PKIB: variants seen among roughly 807,000 people sequenced by gnomAD.
PKIB encodes the protein PKI-beta.
Under a neutral mutation model 4.5 loss-of-function variants are expected in PKIB, and 2 were observed. The ratio of observed to expected loss-of-function variants is 0.44; its 90% confidence interval spans 0.18 to 1.39. The LOEUF is 1.39. Ranked by LOEUF, PKIB falls within the 40% of genes most tolerant of loss-of-function variation. The pLI, the probability that PKIB is intolerant of heterozygous loss-of-function variation, is 0.27. For synonymous variants in PKIB, 38 were observed against 36.0 expected (o/e 1.06, Z -0.20); for missense variants, 94 against 92.6 (o/e 1.02, Z -0.06).
intron 2 of PKIB, among the ~76,000 whole-genome samples, chr6:122,562,269 G>T (rs1375642215): frequency 6.6e-6 from 1 of 151,998 alleles, no homozygotes; most frequent in Admixed American, 6.6e-5. Flanking sequence ...TGTTTGAGGA[G>T]GCTGAAGATA....
intron 3 of PKIB, among the ~76,000 whole-genome samples, chr6:122,595,769 C>G (rs904121281): frequency 8.5e-5 from 13 of 152,178 alleles, no homozygotes; most frequent in Admixed American, 3.9e-4. Context: ...CCATGTGTAA[C>G]CTCCATCCCT....
intron 3 of PKIB, among the ~76,000 whole-genome samples, chr6:122,600,950 A>G (rs934662197): frequency 6.6e-6 from 1 of 152,174 alleles, no homozygotes; most frequent in Non-Finnish European, 1.5e-5. Flanking sequence ...TTGAGGAAAG[A>G]TTGAGCATGT....
chr6:122,519,371 A>G (rs1340108709), intron 2 of PKIB, among the ~76,000 whole-genome samples: 4 of 152,134 alleles, frequency 2.6e-5, no homozygotes, highest in Admixed American at 6.5e-5. Context: ...TTGTTTCATT[A>G]TATGTTACAA....
chr6:122,701,529 G>A (rs1778813039), intron 3 of PKIB: 1 of 1,588,828 alleles, frequency 6.3e-7, no homozygotes, highest in African/African-American at 1.3e-5. Flanking sequence ...TTCTTCTTGG[G>A]GACAAGAGCA....
intron 2 of PKIB, among the ~76,000 whole-genome samples, chr6:122,574,616 A>C (rs1773473719): frequency 6.6e-6 from 1 of 152,208 alleles, no homozygotes; most frequent in Admixed American, 6.5e-5. Flanking sequence ...AAATACTTAC[A>C]GCTAACTAAT....
At chr6:122,504,477 G>A (rs1336429052) in intron 2 of PKIB, among the ~76,000 whole-genome samples, 1 of 152,146 alleles carries the variant, frequency 6.6e-6, no homozygotes, top group Admixed American at 6.5e-5. Flanking sequence ...GCTGAGTGCA[G>A]TTGCTCAGAA....
intron 3 of PKIB, among the ~76,000 whole-genome samples, chr6:122,697,323 A>G (rs1270701236): frequency 6.6e-6 from 1 of 152,102 alleles, no homozygotes; most frequent in Non-Finnish European, 1.5e-5. Context: ...CTGTTTTATC[A>G]GATATCAAGC....
At chr6:122,590,025 A>G (rs1349552645) in intron 3 of PKIB, among the ~76,000 whole-genome samples, 1 of 152,168 alleles carries the variant, frequency 6.6e-6, no homozygotes, top group East Asian at 1.9e-4. Context: ...TAGAAATCAG[A>G]AAAAAATGAG....
chr6:122,539,147 T>C (rs1251275844), intron 2 of PKIB, among the ~76,000 whole-genome samples: 1 of 152,108 alleles, frequency 6.6e-6, no homozygotes, highest in Admixed American at 6.5e-5. Context: ...TTTGACTTCC[T>C]ATTTTCCTAA....
chr6:122,584,087 T>C (rs926262107), intron 2 of PKIB, among the ~76,000 whole-genome samples: 2 of 152,070 alleles, frequency 1.3e-5, no homozygotes, highest in Non-Finnish European at 2.9e-5. Context: ...TTAAGGATTG[T>C]GAGTGAGGCA....
chr6:122,645,401 C>T (rs751693388), intron 2 of PKIB, among the ~76,000 whole-genome samples: 1 of 152,088 alleles, frequency 6.6e-6, no homozygotes, highest in Non-Finnish European at 1.5e-5. Flanking sequence ...TCCAACCGAG[C>T]TAGTAGGCTG....
Position 122,506,606 on chromosome 6 carries a change from A to G in PKIB, c.-248+28667A>G, listed in dbSNP as rs554757438. Among the ~76,000 whole-genome samples, 17 of 152,052 alleles carry G rather than the reference A, an allele frequency of 1.1e-4. No homozygotes were observed. The East Asian group carries it at 3.3e-3, about 29-fold the overall frequency. ...TCATGTATTTATTATTTTGATTGGT[A>G]CAATTAACTGTAAAGGTCCCCTTAG... On this transcript the variant is annotated intron_variant, in intron 2 of 6. Transcript: ENST00000392491.
At chr6:122,650,928 C>T (rs1195883451) in intron 2 of PKIB, among the ~76,000 whole-genome samples, 1 of 152,164 alleles carries the variant, frequency 6.6e-6, no homozygotes, top group Non-Finnish European at 1.5e-5. Context: ...CCTTGTAGTC[C>T]ATGTTTCAGC....
At chr6:122,627,808 C>T (rs1370022857) in intron 1 of PKIB, among the ~76,000 whole-genome samples, 1 of 152,058 alleles carries the variant, frequency 6.6e-6, no homozygotes, top group African/African-American at 2.4e-5. Flanking sequence ...CCCTCATTTA[C>T]TGATAAAGAA....
chr6:122,532,944 G>C (rs539338507), intron 2 of PKIB, among the ~76,000 whole-genome samples: 172 of 152,138 alleles, frequency 1.1e-3, no homozygotes, highest in Middle Eastern at 6.8e-3. Context: ...TAGTGATCTT[G>C]AACATCTTTT....
intron 3 of PKIB, among the ~76,000 whole-genome samples, chr6:122,592,364 G>T (rs1398077451): frequency 6.6e-6 from 1 of 152,128 alleles, no homozygotes; most frequent in Admixed American, 6.5e-5. Flanking sequence ...ACAACTGTAT[G>T]CAACCTTTCC....
chr6:122,576,710 A>ATATATATTTTTTTTT (rs59569106), intron 2 of PKIB, among the ~76,000 whole-genome samples: 1 of 110,032 alleles, frequency 9.1e-6, no homozygotes, highest in African/African-American at 4.0e-5. Context: ...ATATATATAT[A>ATATATATTTTTTTTT]TTTTCTTTTG....
intron 2 of PKIB, among the ~76,000 whole-genome samples, chr6:122,487,711 C>T (rs1051005082): frequency 6.6e-6 from 1 of 152,188 alleles, no homozygotes; most frequent in Non-Finnish European, 1.5e-5. Context: ...AATCTATTAA[C>T]ACTTTGATCA....
intron 3 of PKIB, among the ~76,000 whole-genome samples, chr6:122,692,691 G>C (rs578096714): frequency 1.3e-5 from 2 of 152,310 alleles, no homozygotes; most frequent in South Asian, 4.1e-4. Flanking sequence ...CTGTGGTTGA[G>C]CTGGTACCTG....
Sources: allele counts gnomAD v4.1 joint callset (sites outside exome capture counted in the v4.1 genomes callset), GRCh38; gene constraint gnomAD v4.1.1; transcripts MANE v1.5; gene names NCBI Gene and HGNC (gene_info 2026-07-23, HGNC 2026-07-21).